The following PCMTD1 variants were observed in gnomAD, a reference collection of about 807,000 sequenced individuals.
PCMTD1 encodes the protein protein-L-isoaspartate (D-aspartate) O-methyltransferase domain containing 1, also known as protein-L-isoaspartate O-methyltransferase domain-containing protein 1.
PCMTD1 carries 12 observed loss-of-function variants against 37.6 expected under a neutral mutation model. The ratio of observed to expected loss-of-function variants is 0.32; its 90% CI spans 0.20 to 0.52. PCMTD1 has a LOEUF of 0.52. Among genes scored for constraint, PCMTD1 ranks in the 20% least tolerant of loss-of-function variants. The pLI, the probability that PCMTD1 is intolerant of heterozygous loss-of-function variation, is 0.97. For missense variants in PCMTD1, 235 were observed against 421.3 expected (o/e 0.56, Z 3.87); for synonymous variants, 117 against 135.8 (o/e 0.86, Z 0.96).
intron 1 of PCMTD1, among the ~76,000 whole-genome samples, chr8:51,884,025 GAATTTGT>G (rs1443383374): frequency 6.6e-6 from 1 of 152,180 alleles, no homozygotes. Context: ...CATACTGAAA[GAATTTGT>G]GGCTCCGTGT....
chr8:51,865,799 C>T (rs1366986243), intron 1 of PCMTD1, among the ~76,000 whole-genome samples: 1 of 150,346 alleles, frequency 6.7e-6, no homozygotes, highest in Non-Finnish European at 1.5e-5. Context: ...CAACACAGAA[C>T]AAAATGCTAG....
At chr8:51,854,943 G>C (rs1269858061) in intron 2 of PCMTD1, among the ~76,000 whole-genome samples, 1 of 148,634 alleles carries the variant, frequency 6.7e-6, no homozygotes. Context: ...GGGAGGCCAA[G>C]GAGGGTGGAT....
At chr8:51,893,066 T>G (rs1400687313) in intron 1 of PCMTD1, among the ~76,000 whole-genome samples, 1 of 152,230 alleles carries the variant, frequency 6.6e-6, no homozygotes, top group African/African-American at 2.4e-5. Flanking sequence ...ATGATTACTT[T>G]AATATTTTAT....
intron 1 of PCMTD1, among the ~76,000 whole-genome samples, chr8:51,864,371 T>C (rs1488772989): frequency 6.6e-6 from 1 of 152,170 alleles, no homozygotes; most frequent in Non-Finnish European, 1.5e-5. Context: ...AACAGTGGAC[T>C]TGAACAACGC....
chr8:51,873,031 T>A (rs13276858), intron 1 of PCMTD1, among the ~76,000 whole-genome samples: 1 of 152,080 alleles, frequency 6.6e-6, no homozygotes, highest in Non-Finnish European at 1.5e-5. Context: ...GTTTTTGGAC[T>A]TATAAAATGG....
At chr8:51,898,233 T>G (rs996896177) in intron 1 of PCMTD1, among the ~76,000 whole-genome samples, 3 of 152,060 alleles carry the variant, frequency 2.0e-5, no homozygotes, top group Admixed American at 6.6e-5. Flanking sequence ...GAAAACAAAA[T>G]TATAGAAGTT....
At chr8:51,862,056 CAGTAT>C (rs1006162514) in intron 1 of PCMTD1, among the ~76,000 whole-genome samples, 11 of 151,516 alleles carry the variant, frequency 7.3e-5, no homozygotes, top group African/African-American at 2.2e-4. Context: ...CTTTATAGTA[CAGTAT>C]AGTATAGTAT....
chr8:51,898,867 C>T lies in PCMTD1; in HGVS notation c.-96+63G>A, dbSNP rs868418427. The T allele has an allele frequency of 8.0e-5, 99 of 1,241,928 alleles. No homozygotes were observed. In the African/African-American group the frequency reaches 1.3e-3, roughly 16 times the overall value. 76.9% of individuals were successfully genotyped at this position (1,241,928 alleles called of 1,614,324 possible). On this transcript the variant is annotated intron_variant, in intron 1 of 5. Coordinates refer to ENST00000522514, the MANE Select transcript of PCMTD1 (RefSeq NM_052937.4). ...TCCAAGCGCATCCCAGTCGCCCGCC[C>T]GGCCCTAGCACGCGGGACTCGCACA...
At chr8:51,879,465 T>C (rs1268168553) in intron 1 of PCMTD1, among the ~76,000 whole-genome samples, 1 of 152,134 alleles carries the variant, frequency 6.6e-6, no homozygotes, top group Non-Finnish European at 1.5e-5. Context: ...CATCAAACTA[T>C]CATTTAAGAA....
At chr8:51,836,505 G>C (rs918219931) in intron 3 of PCMTD1, among the ~76,000 whole-genome samples, 4 of 151,856 alleles carry the variant, frequency 2.6e-5, no homozygotes, top group Admixed American at 1.3e-4. Context: ...TGCTGTCTTT[G>C]AATATTTCTT....
chr8:51,865,320 C>T (rs116942480), intron 1 of PCMTD1, among the ~76,000 whole-genome samples: 30 of 152,146 alleles, frequency 2.0e-4, no homozygotes, highest in Non-Finnish European at 4.4e-4. Flanking sequence ...CTACAAACTC[C>T]ACTTACGAGG....
rs1260559291 is a variant in PCMTD1 at position 51,845,552 on chromosome 8, T to G, written c.410+109A>C. ...TCTCATTTTATGGTGCACTGATTTT[T>G]GCTGCATTCAATTGAGCCAGTCAGG... On this transcript the variant is annotated intron_variant, in intron 3 of 5. Coordinates refer to ENST00000522514, the MANE Select transcript of PCMTD1 (RefSeq NM_052937.4). 4.5e-6 allele frequency: 3 copies of G among 661,852 alleles called. No homozygotes were observed. The African/African-American group carries it at 5.4e-5, about 12-fold the overall frequency. The allele number at this position is 661,852 out of a possible 1,614,324, so 41.0% of individuals were successfully genotyped here. A position where few individuals can be genotyped will look rare whatever the true frequency, so the allele number is the denominator to read the frequency against.
chr8:51,890,751 T>C (rs144205941), intron 1 of PCMTD1, among the ~76,000 whole-genome samples: 17 of 152,320 alleles, frequency 1.1e-4, no homozygotes, highest in Non-Finnish European at 1.9e-4. Flanking sequence ...AGTATAAATG[T>C]AGAAATCCCC....
At chr8:51,843,734 C>T (rs2038179751) in intron 3 of PCMTD1, among the ~76,000 whole-genome samples, 5 of 152,028 alleles carry the variant, frequency 3.3e-5, no homozygotes, top group Admixed American at 3.3e-4. Context: ...TCCTGTTTCC[C>T]AGGACTATAC....
At chr8:51,856,894 T>C (rs1023119293) in intron 2 of PCMTD1, among the ~76,000 whole-genome samples, 1 of 152,200 alleles carries the variant, frequency 6.6e-6, no homozygotes, top group African/African-American at 2.4e-5. Flanking sequence ...GAATAATCTT[T>C]TTAGCACATT....
intron 5 of PCMTD1, among the ~76,000 whole-genome samples, chr8:51,829,575 C>T (rs1055392281): frequency 6.6e-6 from 1 of 152,030 alleles, no homozygotes; most frequent in African/African-American, 2.4e-5. Context: ...GTTGGGTCTG[C>T]CTAATGTAAG....
intron 1 of PCMTD1, among the ~76,000 whole-genome samples, chr8:51,868,633 A>G (rs2038594148): frequency 6.6e-6 from 1 of 152,198 alleles, no homozygotes; most frequent in Non-Finnish European, 1.5e-5. Flanking sequence ...GAATAAAAAT[A>G]CATTTAATAA....
chr8:51,864,330 C>T (rs953063398), intron 1 of PCMTD1, among the ~76,000 whole-genome samples: 7 of 152,178 alleles, frequency 4.6e-5, no homozygotes, highest in Admixed American at 2.0e-4. Flanking sequence ...TCAAACTCCA[C>T]GTTCAACAAT....
chr8:51,871,934 G>C lies in PCMTD1; in HGVS notation c.-95-10688C>G, dbSNP rs190301816. ...TGGAAACATCCACATTACACATTTT[G>C]ATACATGGTGAGTTTTAAGATGCCT... On this transcript the variant is annotated intron_variant, in intron 1 of 5. Coordinates refer to ENST00000522514, the MANE Select transcript of PCMTD1 (RefSeq NM_052937.4). Among the ~76,000 whole-genome samples the C allele has an allele frequency of 2.2e-4, 33 of 152,178 alleles. No individual in the cohort carries two copies. The East Asian group carries it at 5.2e-3, about 24-fold the overall frequency.
Sources: gnomAD v4.1 joint callset for allele counts (sites outside exome capture counted in the v4.1 genomes callset) on GRCh38, gnomAD v4.1.1 for gene constraint, MANE v1.5 for transcripts, NCBI Gene and HGNC (gene_info 2026-07-23, HGNC 2026-07-21) for gene names.